METTL14: variants seen among roughly 807,000 people sequenced by gnomAD.
METTL14 encodes the protein methyltransferase 14, N6-adenosine-methyltransferase non-catalytic subunit.
In METTL14, 32 loss-of-function variants were observed where a neutral mutation model predicts 62.4. The observed-to-expected ratio is 0.51, with a 90% CI of 0.39 to 0.69. The LOEUF (loss-of-function observed/expected upper bound fraction) is 0.69. METTL14 is among the 30% of genes least tolerant of loss of function. METTL14 has a pLI of 0.00. For synonymous variants in METTL14, 150 were observed against 180.0 expected (o/e 0.83, Z 1.34); for missense variants, 340 against 551.9 (o/e 0.62, Z 3.85).
chr4:118,685,507 C>G lies in METTL14; in HGVS notation c.-28C>G. On this transcript the variant is annotated 5_prime_UTR_variant, in exon 1 of 11. Transcript: ENST00000388822. ...AGTTCACTGGAGATTGACAAGTACT[C>G]GGGATAGTGAAAAGCCGGAGTTGGA... is the stretch of plus-strand genomic sequence containing the variant. 1 of 1,610,172 alleles carries G rather than the reference C, an allele frequency of 6.2e-7. No individual in the cohort carries two copies. Among genetic ancestry groups the G allele is most frequent in the South Asian group, 1.1e-5 (1 of 90,984 alleles).
Position 118,714,743 on chromosome 4 carries a change from C to A in METTL14, c.*4441C>A, listed in dbSNP as rs1560888168. On this transcript the variant is annotated 3_prime_UTR_variant, in exon 11 of 11. Transcript: ENST00000388822. ...CTGGAATTACAGGTGCCCACCACCACACCCAGCTAATTTTAGTATTCTTAG... is the reference window on the plus strand; with the variant it reads ...CTGGAATTACAGGTGCCCACCACCAAACCCAGCTAATTTTAGTATTCTTAG... The A allele has an allele frequency of 6.6e-6, 1 of 152,228 alleles. No individual in the cohort carries two copies. 9.4% of individuals were successfully genotyped at this position (152,228 alleles called of 1,614,324 possible). A position where few individuals can be genotyped will look rare whatever the true frequency, so the allele number is the denominator to read the frequency against.
Sources: gnomAD v4.1 joint callset for allele counts on GRCh38, gnomAD v4.1.1 for gene constraint, MANE v1.5 for transcripts, NCBI Gene and HGNC (gene_info 2026-07-23, HGNC 2026-07-21) for gene names.